Variants in CSRP3 observed in about 807,000 individuals in gnomAD.
CSRP3 encodes the protein cysteine and glycine-rich protein 3.
Under a neutral mutation model 24.3 loss-of-function variants are expected in CSRP3, and 24 were observed. That is an observed-to-expected ratio of 0.99 (90% CI 0.71 to 1.39). The LOEUF is 1.39. Among genes scored for constraint, CSRP3 ranks in the 40% most tolerant of loss-of-function variants. The pLI is 0.00. For synonymous variants in CSRP3, 105 were observed against 94.0 expected (o/e 1.12, Z -0.68); for missense variants, 240 against 249.0 (o/e 0.96, Z 0.24).
Position 19,192,481 on chromosome 11 carries a change from G to C in CSRP3, c.-28-5C>G. 1 of 1,563,704 alleles carries C rather than the reference G, an allele frequency of 6.4e-7. No individual in the cohort carries two copies. The highest frequency in any genetic ancestry group is 8.8e-7 in the Non-Finnish European group (1 of 1,134,190). ...ACTATCTGGTCAAGGTCAAGTCTAA[G>C]GGGACATAAAGCAAATACCCTACAT... On this transcript the variant is annotated splice_polypyrimidine_tract_variant and splice_region_variant and intron_variant, in intron 1 of 5. Transcript: ENST00000265968.
chr11:19,184,800 G>T, intron 5 of CSRP3, 152 bp downstream of exon 5: 1 of 704,848 alleles, frequency 1.4e-6, no homozygotes. Context: ...CTCCCCTTAG[G>T]TGGTTTTGCT....
rs755498404 is a variant in CSRP3, at chr11:19,182,645, A to G, written c.*25T>C. 1 of 1,608,524 alleles carries G rather than the reference A, an allele frequency of 6.2e-7. No individual in the cohort carries two copies. The highest frequency in any genetic ancestry group is 8.5e-7 in the Non-Finnish European group (1 of 1,174,892). On this transcript the variant is annotated 3_prime_UTR_variant, in exon 6 of 6. Coordinates refer to ENST00000265968, the MANE Select transcript of CSRP3 (RefSeq NM_003476.5). ...CTTGGCAAGTGTTTTAGGCTCGCAA[A>G]AAATCTGAGAAACGGCGCACCTCTT... is the stretch of plus-strand genomic sequence containing the variant.
chr11:19,183,585 C>A (rs9888224), intron 5 of CSRP3, among the ~76,000 whole-genome samples: 2 of 151,522 alleles, frequency 1.3e-5, no homozygotes, highest in Non-Finnish European at 2.9e-5. Context: ...CTACTATAGA[C>A]TTTTTTTTTC....
chr11:19,192,072 G>C (rs909446010), intron 2 of CSRP3, among the ~76,000 whole-genome samples: 1 of 152,152 alleles, frequency 6.6e-6, no homozygotes, highest in African/African-American at 2.4e-5. Context: ...GCAGTGACAG[G>C]CTAGCTTGTT....
intron 1 of CSRP3, among the ~76,000 whole-genome samples, chr11:19,193,300 T>C (rs775083137): frequency 2.0e-5 from 3 of 152,166 alleles, no homozygotes; most frequent in Non-Finnish European, 4.4e-5. Flanking sequence ...GCTGCTTTAG[T>C]GTCCTTTAGA....
intron 1 of CSRP3, among the ~76,000 whole-genome samples, chr11:19,199,757 A>G (rs1456380109): frequency 6.6e-6 from 1 of 152,218 alleles, no homozygotes; most frequent in Non-Finnish European, 1.5e-5. Flanking sequence ...AAAGCTCAGA[A>G]AAGGCTCCAT....
rs752833206 is a variant in CSRP3 at position 19,186,363 on chromosome 11, C to G, written c.282-15G>C. On this transcript the variant is annotated splice_polypyrimidine_tract_variant and intron_variant, in intron 3 of 5. Transcript: ENST00000265968. ...GCTTTGGGGACCTGTTGGAAATAGA[C>G]GAATGAATGAAACGTAGATTTCCCT... 34 of 1,613,992 alleles carry G rather than the reference C, an allele frequency of 2.1e-5. 1 individual carries two copies. In the East Asian group the frequency reaches 7.6e-4, roughly 36 times the overall value.
rs536107316 is a variant in CSRP3, at chr11:19,201,258, T to G, written c.-29+696A>C. 5.3e-5 allele frequency among the ~76,000 whole-genome samples: 8 copies of G among 152,366 alleles called. No individual in the cohort carries two copies. The South Asian group carries it at 1.7e-3, about 32-fold the overall frequency. ...ATATTTCAACATAGCAATGTCTTTTTGGGGTCCAGTTTTGATTAATTTCAA... is the reference window on the plus strand; with the variant it reads ...ATATTTCAACATAGCAATGTCTTTTGGGGGTCCAGTTTTGATTAATTTCAA... On this transcript the variant is annotated intron_variant, in intron 1 of 5. Transcript: ENST00000265968.
rs763070128 is a variant in CSRP3 at position 19,190,091 on chromosome 11, C to CATGAATGA, written c.113-1795_113-1788dup. The stretch of plus-strand genomic sequence containing the variant: ...GTCCTCTGTAAACATTTATTGAGTA[C>CATGAATGA]ATGAATGAATGAATGAATGAATGTG... On this transcript the variant is annotated intron_variant, in intron 2 of 5. Transcript: ENST00000265968. Among the ~76,000 whole-genome samples, 5 of 152,214 alleles carry CATGAATGA rather than the reference C, an allele frequency of 3.3e-5. No homozygotes were observed. The East Asian group carries it at 5.8e-4, about 18-fold the overall frequency.
intron 1 of CSRP3, 97 bp from the exon 2 acceptor site, chr11:19,192,573 A>C (rs1404357373): frequency 2.7e-6 from 2 of 729,858 alleles, no homozygotes; most frequent in Non-Finnish European, 4.9e-6. Flanking sequence ...ATCCAGCCCA[A>C]TTTTTTTTTA....
Position 19,192,464 on chromosome 11 carries a change from G to T in CSRP3, c.-16C>A. 1 of 1,599,042 alleles carries T rather than the reference G, an allele frequency of 6.3e-7. No individual in the cohort carries two copies. Among genetic ancestry groups the T allele is most frequent in the Non-Finnish European group, 8.6e-7 (1 of 1,166,196 alleles). The stretch of plus-strand genomic sequence containing the variant: ...AGTTTGGCATCTTGAAGACTATCTG[G>T]TCAAGGTCAAGTCTAAGGGGACATA... On this transcript the variant is annotated 5_prime_UTR_variant, in exon 2 of 6. Transcript: ENST00000265968.
rs1053281170 is a variant in CSRP3 at position 19,192,485 on chromosome 11, A to T, written c.-28-9T>A. 9 of 1,536,734 alleles carry T rather than the reference A, an allele frequency of 5.9e-6. No individual in the cohort carries two copies. In the African/African-American group the frequency reaches 1.2e-4, roughly 21 times the overall value. On this transcript the variant is annotated splice_polypyrimidine_tract_variant and intron_variant, in intron 1 of 5. Coordinates refer to ENST00000265968, the MANE Select transcript of CSRP3 (RefSeq NM_003476.5). ...TCTGGTCAAGGTCAAGTCTAAGGGG[A>T]CATAAAGCAAATACCCTACATTGAA...
At chr11:19,193,593 A>G (rs1850649811) in intron 1 of CSRP3, among the ~76,000 whole-genome samples, 1 of 152,222 alleles carries the variant, frequency 6.6e-6, no homozygotes, top group Non-Finnish European at 1.5e-5. Flanking sequence ...TCCTGACCTC[A>G]AGTGATCTGC....
Position 19,185,023 on chromosome 11 carries a change from C to T in CSRP3, c.437G>A (p.Arg146His), listed in dbSNP as rs377066670. The T allele has an allele frequency of 2.4e-5, 39 of 1,614,156 alleles. No individual in the cohort carries two copies. The highest frequency in any genetic ancestry group is 1.6e-4 in the Middle Eastern group (1 of 6,062). The change falls in exon 5 of 6, where the codon CGC (arginine) becomes CAC (histidine). Residue 146 changes from arginine (R) to histidine (H), a missense_variant. Physicochemically the swap from Arg to His is conservative, Grantham distance 29 (BLOSUM62 0). Transcript: ENST00000265968. ...CAGACTCTTCCCACAGATGGCACAGCGGAAACAGGTCTTGTGCCAAGGCTG... is the reference window on the plus strand; with the variant it reads ...CAGACTCTTCCCACAGATGGCACAGTGGAAACAGGTCTTGTGCCAAGGCTG... Reference protein sequence around the residue: ...GGKPWHKTCFRCAICGKSLES... With the variant: ...GGKPWHKTCFHCAICGKSLES...
chr11:19,187,907 G>T (rs1449763684), intron 3 of CSRP3, among the ~76,000 whole-genome samples: 1 of 152,176 alleles, frequency 6.6e-6, no homozygotes. Context: ...TGCAAACCAA[G>T]AGCCATGGTG....
chr11:19,183,511 C>A (rs527726558), intron 5 of CSRP3, among the ~76,000 whole-genome samples: 2 of 152,196 alleles, frequency 1.3e-5, no homozygotes, highest in African/African-American at 4.8e-5. Flanking sequence ...TTGTGAGAAG[C>A]TTTCCCCATT....
At position 19,186,410 on chromosome 11, in the gene CSRP3, T is replaced by G. The variant is rs527264992; in HGVS notation, c.282-62A>C. On this transcript the variant is annotated intron_variant, in intron 3 of 5. Coordinates refer to ENST00000265968, the MANE Select transcript of CSRP3 (RefSeq NM_003476.5). ...CCCTTGGCAAAGAGTAGAAGAGCTGTGTGGCCTTGAGAAAGTGACCTCACT... is the reference window on the plus strand; with the variant it reads ...CCCTTGGCAAAGAGTAGAAGAGCTGGGTGGCCTTGAGAAAGTGACCTCACT... 6.4e-5 allele frequency: 103 copies of G among 1,608,906 alleles called. 1 individual carries two copies. In the African/African-American group the frequency reaches 1.3e-3, roughly 20 times the overall value.
intron 5 of CSRP3, among the ~76,000 whole-genome samples, chr11:19,183,108 A>C (rs1241138388): frequency 6.6e-6 from 1 of 152,202 alleles, no homozygotes; most frequent in Non-Finnish European, 1.5e-5. Flanking sequence ...CAGTGAGCCA[A>C]GATCACACCA....
chr11:19,200,208 T>G (rs12276811), intron 1 of CSRP3, among the ~76,000 whole-genome samples: 23,217 of 152,196 alleles, frequency 0.15, 2,196 homozygotes, highest in African/African-American at 0.27. Flanking sequence ...CTCATTCAAT[T>G]CTCACAAGTC....
Sources: gnomAD v4.1 joint callset for allele counts (sites outside exome capture counted in the v4.1 genomes callset) on GRCh38, gnomAD v4.1.1 for gene constraint, MANE v1.5 for transcripts, NCBI Gene and HGNC (gene_info 2026-07-23, HGNC 2026-07-21) for gene names.